The following APOBEC3F variants were observed in gnomAD, a reference collection of about 807,000 sequenced individuals.
APOBEC3F encodes DNA dC->dU-editing enzyme APOBEC-3F.
Under a neutral mutation model 45.8 loss-of-function variants are expected in APOBEC3F, and 34 were observed. The ratio of observed to expected loss-of-function variants is 0.74; its 90% CI spans 0.57 to 0.99. The LOEUF (loss-of-function observed/expected upper bound fraction) is 0.99, where lower values mean the gene tolerates loss of function less well. Ranked by LOEUF, APOBEC3F falls within the 50% of genes least tolerant of loss-of-function variation. APOBEC3F has a pLI of 0.00. For synonymous variants in APOBEC3F, 192 were observed against 174.4 expected (o/e 1.10, Z -0.80); for missense variants, 459 against 474.1 (o/e 0.97, Z 0.30).
chr22:39,052,362 T>C lies in APOBEC3F; in HGVS notation c.1003+9T>C, dbSNP rs748439402. ...GATCATGGGCTACAAAGGTGAGACG[T>C]TGGGGGGCTGAGGAGAGTGGGTGCG... On this transcript the variant is annotated intron_variant, in intron 6 of 6. Coordinates refer to ENST00000308521, the MANE Select transcript of APOBEC3F (RefSeq NM_145298.6). 8.7e-6 allele frequency: 14 copies of C among 1,613,050 alleles called. No individual in the cohort carries two copies. Among genetic ancestry groups the C allele is most frequent in the South Asian group, 4.4e-5 (4 of 91,048 alleles).
intron 2 of APOBEC3F, chr22:39,044,135 G>A: frequency 6.4e-7 from 1 of 1,570,686 alleles, no homozygotes; most frequent in Non-Finnish European, 8.6e-7. Context: ...AGCCCCTTTG[G>A]CCAGTGCGCC....
intron 4 of APOBEC3F, 133 bp downstream of exon 4, chr22:39,045,675 A>G: frequency 6.7e-7 from 1 of 1,489,010 alleles, no homozygotes; most frequent in Non-Finnish European, 9.1e-7. Flanking sequence ...CCCCTCACCC[A>G]CACTCCTTGT....
chr22:39,041,906 A>G (rs1926921105), intron 1 of APOBEC3F, among the ~76,000 whole-genome samples: 1 of 152,184 alleles, frequency 6.6e-6, no homozygotes, highest in Non-Finnish European at 1.5e-5. Context: ...ATATATGGGA[A>G]AAAAACTCAA....
intron 5 of APOBEC3F, among the ~76,000 whole-genome samples, chr22:39,051,414 G>A (rs1207751307): frequency 4.0e-5 from 6 of 151,838 alleles, no homozygotes; most frequent in Non-Finnish European, 1.5e-5. Flanking sequence ...GCGGGCGCCT[G>A]TAGTCCCAGC....
intron 3 of APOBEC3F, 73 bp downstream of exon 3, chr22:39,045,293 T>C: frequency 1.9e-6 from 3 of 1,593,096 alleles, no homozygotes; most frequent in East Asian, 2.2e-5. Flanking sequence ...TGCAATGCCA[T>C]GGCTGGGGGT....
intron 1 of APOBEC3F, among the ~76,000 whole-genome samples, chr22:39,042,276 A>G (rs185291526): frequency 6.7e-6 from 1 of 149,556 alleles, no homozygotes; most frequent in Admixed American, 6.6e-5. Flanking sequence ...GTTAAAATCT[A>G]TTATTTTGGG....
chr22:39,051,659 T>C (rs1416416610), intron 5 of APOBEC3F, among the ~76,000 whole-genome samples: 1 of 149,526 alleles, frequency 6.7e-6, no homozygotes, highest in African/African-American at 2.5e-5. Context: ...AAATGAGAAG[T>C]AAAGAAAATA....
chr22:39,042,893 G>A lies in APOBEC3F; in HGVS notation c.18-44G>A, dbSNP rs377099887. 144 of 1,610,826 alleles carry A rather than the reference G, an allele frequency of 8.9e-5. No individual in the cohort carries two copies. In the African/African-American group the frequency reaches 1.4e-3, roughly 16 times the overall value. ...GTGGACATCAGCCCTGAGGGCTCCC[G>A]GGAGCGCTCTCTACATTGGCTGGTT... On this transcript the variant is annotated intron_variant, in intron 1 of 6. Transcript: ENST00000308521.
chr22:39,044,252 G>GTGAA, intron 2 of APOBEC3F: 1 of 1,581,540 alleles, frequency 6.3e-7, no homozygotes, highest in Non-Finnish European at 8.6e-7. Context: ...AGGATGCCTG[G>GTGAA]TGAATGGATG....
intron 4 of APOBEC3F, among the ~76,000 whole-genome samples, chr22:39,048,032 T>C (rs1248942698): frequency 2.6e-5 from 4 of 152,194 alleles, no homozygotes; most frequent in Admixed American, 2.0e-4. Flanking sequence ...AGGATGCACA[T>C]GACTCCAGAC....
At chr22:39,043,561 C>T (rs1164141769) in intron 2 of APOBEC3F, among the ~76,000 whole-genome samples, 9 of 150,714 alleles carry the variant, frequency 6.0e-5, no homozygotes, top group Non-Finnish European at 1.3e-4. Flanking sequence ...CCACCTGCCT[C>T]GGCCTCCCAA....
At chr22:39,042,090 G>A (rs942061411) in intron 1 of APOBEC3F, among the ~76,000 whole-genome samples, 1 of 152,162 alleles carries the variant, frequency 6.6e-6, no homozygotes, top group African/African-American at 2.4e-5. Context: ...ATCTCTCTGC[G>A]CCTCTGGCAC....
chr22:39,042,512 A>G (rs1926966186), intron 1 of APOBEC3F, among the ~76,000 whole-genome samples: 1 of 152,056 alleles, frequency 6.6e-6, no homozygotes, highest in Non-Finnish European at 1.5e-5. Flanking sequence ...GGGTTTCACC[A>G]TGTTGGTGAG....
chr22:39,055,710 C>G lies in APOBEC3F; in HGVS notation c.*3015C>G, dbSNP rs1927666609. 6.6e-6 allele frequency among the ~76,000 whole-genome samples: 1 copy of G among 152,142 alleles called. No individual in the cohort carries two copies. ...AGTTAAAGATCAACTCCTGACCTGA[C>G]CGCTTGTTTTATCTAAAGATTCCAG... On this transcript the variant is annotated 3_prime_UTR_variant, in exon 7 of 7. Transcript: ENST00000308521.
At position 39,045,032 on chromosome 22, in the gene APOBEC3F, C is replaced by T. The variant is rs766484726; in HGVS notation, c.263C>T (p.Thr88Ile). 4.9e-5 allele frequency: 79 copies of T among 1,613,890 alleles called. No individual in the cohort carries two copies. In the East Asian group the frequency reaches 1.7e-3, roughly 34 times the overall value. ...QLPAYKCFQITWFVSWTPCPD... is the reference protein window; with the variant it reads ...QLPAYKCFQIIWFVSWTPCPD... ...CCTGCTTACAAGTGTTTCCAGATCACCTGGTTTGTATCCTGGACCCCCTGC... is the reference window on the plus strand; with the variant it reads ...CCTGCTTACAAGTGTTTCCAGATCATCTGGTTTGTATCCTGGACCCCCTGC... The change falls in exon 3 of 7, where the codon ACC (threonine) becomes ATC (isoleucine). Residue 88 changes from threonine to isoleucine, a missense_variant. Thr to Ile is a moderately conservative substitution (Grantham distance 89). Transcript: ENST00000308521.
chr22:39,042,854 G>A (rs1259659468), intron 1 of APOBEC3F, 83 bp from the exon 2 acceptor site: 2 of 1,569,116 alleles, frequency 1.3e-6, no homozygotes, highest in African/African-American at 1.4e-5. Flanking sequence ...GAGCCATGCA[G>A]GGGGCTGTGT....
rs1396289517 is a variant in APOBEC3F at position 39,042,950 on chromosome 22, C to T, written c.31C>T (p.Arg11Ter). 1.9e-6 allele frequency: 3 copies of T among 1,613,616 alleles called. No homozygotes were observed. Among genetic ancestry groups the T allele is most frequent in the Non-Finnish European group, 2.5e-6 (3 of 1,179,798 alleles). MKPHFRNTVE[R>*]MYRDTFSYNF... ...TTGTGTCTTCAGAAACACAGTGGAGCGAATGTATCGAGACACATTCTCCTA... is the reference window on the plus strand; with the variant it reads ...TTGTGTCTTCAGAAACACAGTGGAGTGAATGTATCGAGACACATTCTCCTA... The change falls in exon 2 of 7, where the codon CGA becomes TGA. Residue 11 changes from arginine (R) to a stop codon, truncating the protein, a stop_gained. Transcript: ENST00000308521. LOFTEE classifies it high-confidence loss of function.
Position 39,052,600 on chromosome 22 carries a change from T to G in APOBEC3F, c.1027T>G (p.Phe343Val). Residue 343 changes from phenylalanine (F) to valine (V), a missense_variant, in exon 7 of 7, where the codon TTT becomes GTT. Coordinates refer to ENST00000308521, the MANE Select transcript of APOBEC3F (RefSeq NM_145298.6). ...AGATTTTAAATATTGTTGGGAAAAC[T>G]TTGTGTACAATGATGATGAGCCATT... Reference protein sequence around the residue: ...YKDFKYCWENFVYNDDEPFKP... With the variant: ...YKDFKYCWENVVYNDDEPFKP... The G allele has an allele frequency of 6.2e-7, 1 of 1,613,500 alleles. No homozygotes were observed. The highest frequency in any genetic ancestry group is 8.5e-7 in the Non-Finnish European group (1 of 1,179,778).
In APOBEC3F at chr22:39,045,168, G is replaced by A. The variant is rs372394779; in HGVS notation, c.399G>A (p.Ala133=). ...ACTGGGAAAGAGATTACCGAAGGGC[G>A]CTCTGCAGGCTGAGTCAGGCAGGGG... The part of the protein sequence containing the change: ...YYYWERDYRR[A]LCRLSQAGAR... The change falls in exon 3 of 7, where the codon GCG becomes GCA. Residue 133 remains alanine (A), a synonymous_variant. Transcript: ENST00000308521. 6.8e-6 allele frequency: 11 copies of A among 1,614,150 alleles called. No homozygotes were observed. Among genetic ancestry groups the A allele is most frequent in the East Asian group, 6.7e-5 (3 of 44,872 alleles).
Sources: gnomAD v4.1 joint callset for allele counts (sites outside exome capture counted in the v4.1 genomes callset) on GRCh38, gnomAD v4.1.1 for gene constraint, MANE v1.5 for transcripts, NCBI Gene and HGNC (gene_info 2026-07-23, HGNC 2026-07-21) for gene names.